The following TASP1 variants were observed in gnomAD, a reference collection of about 807,000 sequenced individuals.
The protein encoded by TASP1 is taspase 1.
TASP1 carries 16 observed loss-of-function variants against 56.6 expected under a neutral mutation model. The observed-to-expected ratio is 0.28, with a 90% CI of 0.19 to 0.43. The LOEUF (loss-of-function observed/expected upper bound fraction) is 0.43. Ranked by LOEUF, TASP1 falls within the 20% of genes least tolerant of loss-of-function variation. The pLI is 1.00. For synonymous variants in TASP1, 179 were observed against 184.2 expected, an observed-to-expected ratio of 0.97 and a Z score of 0.23; for missense variants, 393 against 511.6, an observed-to-expected ratio of 0.77 and a Z score of 2.24.
chr20:13,434,999 GAA>G, intron 12 of TASP1, 43 bp downstream of exon 12: 2 of 1,357,914 alleles, frequency 1.5e-6, no homozygotes, highest in South Asian at 1.4e-5. Context: ...TTTTTTCTTG[GAA>G]AAAAAAATAG....
chr20:13,249,642 G>C, the TASP1 span, among the ~76,000 whole-genome samples: 11 of 152,198 alleles, frequency 7.2e-5, no homozygotes, highest in Non-Finnish European at 2.9e-5. Flanking sequence ...CTCTGTAGTG[G>C]AATGCTGCTG....
chr20:13,109,186 T>C, the TASP1 span, among the ~76,000 whole-genome samples: 3 of 152,208 alleles, frequency 2.0e-5, no homozygotes, highest in Admixed American at 1.3e-4. Context: ...TGATAGCAGA[T>C]AAATGAATTG....
intron 10 of TASP1, among the ~76,000 whole-genome samples, chr20:13,492,030 A>G (rs1035568775): frequency 6.6e-6 from 1 of 152,200 alleles, no homozygotes; most frequent in Non-Finnish European, 1.5e-5. Flanking sequence ...CAATTCTAAT[A>G]CAAAGAGCCC....
chr20:13,176,040 C>T, the TASP1 span, among the ~76,000 whole-genome samples: 1 of 151,972 alleles, frequency 6.6e-6, no homozygotes, highest in African/African-American at 2.4e-5. Flanking sequence ...TAGTAAAAAT[C>T]AATAGATGGG....
At chr20:13,507,917 A>G (rs2044189135) in intron 10 of TASP1, among the ~76,000 whole-genome samples, 1 of 152,228 alleles carries the variant, frequency 6.6e-6, no homozygotes, top group Non-Finnish European at 1.5e-5. Flanking sequence ...AAGCCTAGAA[A>G]TAAACCCACA....
chr20:13,217,336 T>C, the TASP1 span, among the ~76,000 whole-genome samples: 4 of 152,346 alleles, frequency 2.6e-5, no homozygotes, highest in East Asian at 7.7e-4. Context: ...TACTTTTGTA[T>C]ATATTAAAAA....
intron 2 of TASP1, among the ~76,000 whole-genome samples, chr20:13,628,024 T>C (rs541755616): frequency 1.3e-5 from 2 of 152,340 alleles, no homozygotes; most frequent in Admixed American, 6.5e-5. Context: ...TTTCTATCTC[T>C]ACCTACATAA....
At position 13,615,306 on chromosome 20, in the gene TASP1, C is replaced by T. The variant is rs138482635; in HGVS notation, c.282+8140G>A. On this transcript the variant is annotated intron_variant, in intron 4 of 13. Coordinates refer to ENST00000337743, the MANE Select transcript of TASP1 (RefSeq NM_017714.3). The stretch of plus-strand genomic sequence containing the variant: ...TGTACACCATGCAGGAGGCTGGACC[C>T]TGAGTGAGAATGACTGCCAGTAAAA... Among the ~76,000 whole-genome samples the T allele has an allele frequency of 3.9e-3, 598 of 152,228 alleles. 4 individuals are homozygous for T. Among genetic ancestry groups the T allele is most frequent in the African/African-American group, 0.014 (564 of 41,520 alleles).
At chr20:13,331,339 T>C in the TASP1 span, among the ~76,000 whole-genome samples, 2 of 152,226 alleles carry the variant, frequency 1.3e-5, no homozygotes, top group African/African-American at 4.8e-5. Flanking sequence ...CTATAGACGG[T>C]GTCCTCCAGA....
At chr20:13,588,019 C>T (rs769445255) in intron 4 of TASP1, among the ~76,000 whole-genome samples, 1 of 151,740 alleles carries the variant, frequency 6.6e-6, no homozygotes, top group Non-Finnish European at 1.5e-5. Flanking sequence ...GCCAGCTGCT[C>T]GGGAGGCTGA....
In TASP1 at chr20:13,417,605, T is replaced by C. The variant is rs1811824660; in HGVS notation, c.1097-84A>G. 2.1e-6 allele frequency: 3 copies of C among 1,439,308 alleles called. No homozygotes were observed. The African/African-American group carries it at 4.2e-5, about 20-fold the overall frequency. 89.2% of individuals were successfully genotyped at this position (1,439,308 alleles called of 1,614,324 possible). On this transcript the variant is annotated intron_variant, in intron 12 of 13. Transcript: ENST00000337743. Reference sequence around the variant, plus strand: ...TGCTTTTTAATAGAACAGTTAAAGATAGCTTTATATTTAACACACTCAGTT... The same window carrying C: ...TGCTTTTTAATAGAACAGTTAAAGACAGCTTTATATTTAACACACTCAGTT...
chr20:13,341,530 G>A, the TASP1 span, among the ~76,000 whole-genome samples: 1 of 152,008 alleles, frequency 6.6e-6, no homozygotes, highest in East Asian at 1.9e-4. Flanking sequence ...ATGAGAAAAC[G>A]TGAGCTTGAA....
intron 12 of TASP1, among the ~76,000 whole-genome samples, chr20:13,429,015 G>C (rs888906906): frequency 2.0e-5 from 3 of 152,216 alleles, no homozygotes; most frequent in African/African-American, 7.2e-5. Context: ...CTTAGAAGCA[G>C]TGGAATTTTC....
rs762129014 is a variant in TASP1, at chr20:13,569,572, T to C, written c.503A>G (p.Glu168Gly). The change falls in exon 7 of 14, where the codon GAA (glutamate) becomes GGA (glycine). Residue 168 changes from glutamate to glycine, a missense_variant. Coordinates refer to ENST00000337743, the MANE Select transcript of TASP1 (RefSeq NM_017714.3). ...ATCTACTGCCCATCTGTAGGCTCCT[T>C]CTCCAACTAAAAAGCTAACAACAGA... The part of the protein sequence containing the change: ...GRIPPCFLVG[E>G]GAYRWAVDHG... 3.1e-6 allele frequency: 5 copies of C among 1,612,292 alleles called. No individual in the cohort carries two copies. Among genetic ancestry groups the C allele is most frequent in the Middle Eastern group, 1.7e-4 (1 of 5,932 alleles).
chr20:13,365,713 A>T, the TASP1 span, among the ~76,000 whole-genome samples: 1 of 152,358 alleles, frequency 6.6e-6, no homozygotes, highest in African/African-American at 2.4e-5. Context: ...GCCCCGGGCC[A>T]TGGAAGATCT....
At chr20:13,225,154 A>C in the TASP1 span, among the ~76,000 whole-genome samples, 2 of 151,960 alleles carry the variant, frequency 1.3e-5, no homozygotes, top group South Asian at 2.1e-4. Flanking sequence ...CGCCCGGCCC[A>C]TACTAGCTTT....
intron 5 of TASP1, among the ~76,000 whole-genome samples, chr20:13,581,300 T>C (rs564850771): frequency 3.9e-5 from 6 of 152,156 alleles, no homozygotes; most frequent in Admixed American, 2.0e-4. Flanking sequence ...CAGAATAGAG[T>C]TTTTAAAATG....
the TASP1 span, among the ~76,000 whole-genome samples, chr20:13,349,723 C>A: frequency 6.6e-6 from 1 of 152,010 alleles, no homozygotes; most frequent in African/African-American, 2.4e-5. Flanking sequence ...AAGAAATCTA[C>A]AAAAAAGCAC....
intron 4 of TASP1, among the ~76,000 whole-genome samples, chr20:13,596,014 A>T (rs531713505): frequency 6.6e-6 from 1 of 152,304 alleles, no homozygotes; most frequent in Admixed American, 6.5e-5. Context: ...AACAGAAATC[A>T]CAACAAACTG....
Sources: gnomAD v4.1 joint callset for allele counts (sites outside exome capture counted in the v4.1 genomes callset) on GRCh38, gnomAD v4.1.1 for gene constraint, MANE v1.5 for transcripts, NCBI Gene and HGNC (gene_info 2026-07-23, HGNC 2026-07-21) for gene names.